ZIC5: variants seen among roughly 807,000 people sequenced by gnomAD.
ZIC5 encodes zinc finger protein ZIC 5.
Under a neutral mutation model 28.5 loss-of-function variants are expected in ZIC5, and 20 were observed. The observed-to-expected ratio is 0.70, with a 90% confidence interval of 0.49 to 1.02. The LOEUF (loss-of-function observed/expected upper bound fraction) is 1.02, where lower values mean the gene tolerates loss of function less well. Ranked by LOEUF, ZIC5 falls within the 50% of genes least tolerant of loss-of-function variation. ZIC5 has a pLI of 0.00. For missense variants in ZIC5, 951 were observed against 899.7 expected, an observed-to-expected ratio of 1.06 and a Z score of -0.73; for synonymous variants, 488 against 410.4, an observed-to-expected ratio of 1.19 and a Z score of -2.29.
At position 99,971,576 on chromosome 13, in the gene ZIC5, G is replaced by T. The variant is rs1421601416; in HGVS notation, c.28C>A (p.Pro10Thr). The T allele has an allele frequency of 5.8e-6, 9 of 1,553,712 alleles. No homozygotes were observed. Among genetic ancestry groups the T allele is most frequent in the African/African-American group, 5.5e-5 (4 of 73,222 alleles). Residue 10 changes from proline to threonine, a missense_variant, in exon 1 of 2, where the codon CCG becomes ACG. Coordinates refer to ENST00000267294, the MANE Select transcript of ZIC5 (RefSeq NM_033132.5). Reference sequence around the variant, plus strand: ...AAATCCGCTAATCTCAGCGCTGGCGGGTTCCTCTTGCTCAAAGGGGGCTCC... The same window carrying T: ...AAATCCGCTAATCTCAGCGCTGGCGTGTTCCTCTTGCTCAAAGGGGGCTCC... MEPPLSKRN[P>T]PALRLADLAT...
In ZIC5 at chr13:99,964,837, G is replaced by T. The variant is rs1205266457; in HGVS notation, c.*540C>A. 6.6e-6 allele frequency: 1 copy of T among 152,108 alleles called. No individual in the cohort carries two copies. Among genetic ancestry groups the T allele is most frequent in the Admixed American group, 6.6e-5 (1 of 15,228 alleles). 9.4% of individuals were successfully genotyped at this position (152,108 alleles called of 1,614,324 possible). ...CTGTTGGCAATGCAGCAGGTGTGTG[G>T]TTTACAATCAAGAGGCCTTGGCAGA... On this transcript the variant is annotated 3_prime_UTR_variant, in exon 2 of 2. Coordinates refer to ENST00000267294, the MANE Select transcript of ZIC5 (RefSeq NM_033132.5).
At position 99,970,561 on chromosome 13, in the gene ZIC5, T is replaced by G. The variant is rs566928909; in HGVS notation, c.1043A>C (p.Gln348Pro). Residue 348 changes from glutamine (Q) to proline (P), a missense_variant, in exon 1 of 2, where the codon CAG becomes CCG. Physicochemically the swap from Gln to Pro is moderately conservative, Grantham distance 76. Transcript: ENST00000267294. ...CGCCCCTGGGAGGTGGGGGTGGTGC[T>G]GGTGCGGGTGCTGCGCGGGCGCCGG... The part of the protein sequence containing the change: ...PPPAPAQHPH[Q>P]HHPHLPGAAG... The G allele has an allele frequency of 6.5e-5, 68 of 1,043,918 alleles. No homozygotes were observed. In the South Asian group the frequency reaches 2.3e-3, roughly 35 times the overall value. 64.7% of individuals were successfully genotyped at this position (1,043,918 alleles called of 1,614,324 possible).
At chr13:99,971,850 G>T, upstream of ZIC5, 1 of 785,792 alleles carries the variant, frequency 1.3e-6, no homozygotes, top group Non-Finnish European at 2.0e-6. Context: ...GTGATTGGCA[G>T]TAGCCTCGGC....
rs2053090399 is a variant in ZIC5 at position 99,965,260 on chromosome 13, T to G, written c.*117A>C. 1.1e-6 allele frequency: 1 copy of G among 888,404 alleles called. No individual in the cohort carries two copies. The highest frequency in any genetic ancestry group is 1.7e-5 in the African/African-American group (1 of 58,712). 55.0% of individuals were successfully genotyped at this position (888,404 alleles called of 1,614,324 possible). A position where few individuals can be genotyped will look rare whatever the true frequency, so the allele number is the denominator to read the frequency against. On this transcript the variant is annotated 3_prime_UTR_variant, in exon 2 of 2. Transcript: ENST00000267294. ...TTCATACTGAATAAATAGGGCTAATTAGACCCGGTGGCAAGTCTGAGTCAC... is the reference window on the plus strand; with the variant it reads ...TTCATACTGAATAAATAGGGCTAATGAGACCCGGTGGCAAGTCTGAGTCAC...
In ZIC5 at chr13:99,965,614, G is replaced by C; in HGVS notation, c.1683C>G (p.Pro561=). 6.2e-7 allele frequency: 1 copy of C among 1,614,126 alleles called. No individual in the cohort carries two copies. The highest frequency in any genetic ancestry group is 8.5e-7 in the Non-Finnish European group (1 of 1,180,024). ...GAGTCCCCACTGATGAGTAACCAAG[G>C]GGTCCTGGAGAAGGTGGCGGGGACT... ...HCKSPPPSPG[P]LGYSSVGTPV... The change falls in exon 2 of 2, where the codon CCC becomes CCG. Residue 561 remains proline, a synonymous_variant. Transcript: ENST00000267294.
intron 1 of ZIC5, among the ~76,000 whole-genome samples, chr13:99,968,628 T>G (rs2053120320): frequency 6.6e-6 from 1 of 152,060 alleles, no homozygotes; most frequent in Admixed American, 6.5e-5. Context: ...GCCCCGCGCT[T>G]GGGAGTTCCC....
chr13:99,965,886 A>C lies in ZIC5; in HGVS notation c.1478-67T>G. The C allele has an allele frequency of 7.3e-6, 11 of 1,503,274 alleles. No homozygotes were observed. In the South Asian group the frequency reaches 1.4e-4, roughly 19 times the overall value. The allele number at this position is 1,503,274 out of a possible 1,614,324, so 93.1% of individuals were successfully genotyped here. On this transcript the variant is annotated intron_variant, in intron 1 of 1. Transcript: ENST00000267294. ...ACCCCTCTCTTGACAGAAATCTTGA[A>C]GCAGAACCAAGGTTGTGTTTTTCCT...
chr13:99,971,485 G>T lies in ZIC5; in HGVS notation c.119C>A (p.Ala40Asp). ...TGFPALAGPP[A>D]HSQLRAAVAH... ...GACGGCGGCCCGGAGTTGGGAGTGG[G>T]CGGGCGGGCCGGCCAGCGCCGGGAA... The change falls in exon 1 of 2, where the codon GCC becomes GAC. Residue 40 changes from alanine (A) to aspartate (D), a missense_variant. Ala to Asp is a moderately radical substitution (Grantham distance 126). Around this residue, in one of 3 missense-constraint regions of ZIC5, gnomAD observed 784 missense variants for 660.1 expected, o/e 1.19. Coordinates refer to ENST00000267294, the MANE Select transcript of ZIC5 (RefSeq NM_033132.5). The T allele has an allele frequency of 1.3e-6, 2 of 1,550,376 alleles. No individual in the cohort carries two copies. The highest frequency in any genetic ancestry group is 8.7e-7 in the Non-Finnish European group (1 of 1,146,882).
At position 99,971,105 on chromosome 13, in the gene ZIC5, T is replaced by TGCC; in HGVS notation, c.496_498dup (p.Gly166dup). 3 of 1,424,450 alleles carry TGCC rather than the reference T, an allele frequency of 2.1e-6. No individual in the cohort carries two copies. The highest frequency in any genetic ancestry group is 2.7e-6 in the Non-Finnish European group (3 of 1,098,480). The allele number at this position is 1,424,450 out of a possible 1,614,324, so 88.2% of individuals were successfully genotyped here. A position where few individuals can be genotyped will look rare whatever the true frequency, so the allele number is the denominator to read the frequency against. On this transcript the variant is annotated inframe_insertion, in exon 1 of 2. Coordinates refer to ENST00000267294, the MANE Select transcript of ZIC5 (RefSeq NM_033132.5). Reference sequence around the variant, plus strand: ...AGGACGAAGTCCCTGCTGTGGCCTTTGCCGCTGCTGCCGCCGCCGCCACTG... The same window carrying TGCC: ...AGGACGAAGTCCCTGCTGTGGCCTTTGCCGCCGCTGCTGCCGCCGCCGCCACTG...
chr13:99,966,730 C>G (rs1438697806), intron 1 of ZIC5, among the ~76,000 whole-genome samples: 1 of 152,110 alleles, frequency 6.6e-6, no homozygotes, highest in Non-Finnish European at 1.5e-5. Flanking sequence ...TTGGCTGTCA[C>G]CTCCTTAAGC....
chr13:99,971,780 T>G, upstream of ZIC5: 2 of 1,434,924 alleles, frequency 1.4e-6, no homozygotes, highest in Non-Finnish European at 9.5e-7. Context: ...ACACCACATT[T>G]GAGCTGCACA....
In ZIC5 at chr13:99,968,864, G is replaced by A. The variant is rs541954220; in HGVS notation, c.1477+1263C>T. ...CCACCGGCCATCAGGCGGCCCGCAG[G>A]AGCCAAGCCAAGGCTCCCGCCTCGG... On this transcript the variant is annotated intron_variant, in intron 1 of 1. Coordinates refer to ENST00000267294, the MANE Select transcript of ZIC5 (RefSeq NM_033132.5). Among the ~76,000 whole-genome samples, 97 of 152,230 alleles carry A rather than the reference G, an allele frequency of 6.4e-4. 2 individuals are homozygous for A. In the South Asian group the frequency reaches 0.02, roughly 31 times the overall value.
chr13:99,967,867 C>T (rs1174768128), intron 1 of ZIC5, among the ~76,000 whole-genome samples: 1 of 152,228 alleles, frequency 6.6e-6, no homozygotes, highest in Non-Finnish European at 1.5e-5. Context: ...TTCTACCTAA[C>T]TAGAAAGGCT....
chr13:99,966,392 G>A (rs1305048828), intron 1 of ZIC5, among the ~76,000 whole-genome samples: 2 of 152,196 alleles, frequency 1.3e-5, no homozygotes, highest in African/African-American at 2.4e-5. Context: ...AGGAGAGAAC[G>A]TGGAGATGGG....
chr13:99,965,472 T>TG lies in ZIC5; in HGVS notation c.1824dup (p.Ser609GlnfsTer14). Reference sequence around the variant, plus strand: ...TTGCTGGAAGGGGTGTGGAGGTGGCTGGGGGCCCCACTGGCCTGGCAAACG... The same window carrying TG: ...TTGCTGGAAGGGGTGTGGAGGTGGCTGGGGGGCCCCACTGGCCTGGCAAACG... On this transcript the variant is annotated frameshift_variant, in exon 2 of 2. Coordinates refer to ENST00000267294, the MANE Select transcript of ZIC5 (RefSeq NM_033132.5). LOFTEE classifies it high-confidence loss of function. The TG allele has an allele frequency of 6.2e-7, 1 of 1,614,096 alleles. No homozygotes were observed. The highest frequency in any genetic ancestry group is 1.1e-5 in the South Asian group (1 of 91,064).
intron 1 of ZIC5, among the ~76,000 whole-genome samples, chr13:99,967,639 T>C (rs561520311): frequency 5.9e-5 from 9 of 151,996 alleles, no homozygotes; most frequent in Non-Finnish European, 1.2e-4. Context: ...AACCTACATA[T>C]CCCGGGTTGT....
At chr13:99,969,192 A>C (rs941132530) in intron 1 of ZIC5, among the ~76,000 whole-genome samples, 1 of 152,116 alleles carries the variant, frequency 6.6e-6, no homozygotes, top group Non-Finnish European at 1.5e-5. Flanking sequence ...TGGGATCCCC[A>C]GAGGCAGGGC....
chr13:99,970,846 A>G lies in ZIC5; in HGVS notation c.758T>C (p.Leu253Pro). The G allele has an allele frequency of 8.0e-7, 1 of 1,246,878 alleles. No homozygotes were observed. Among genetic ancestry groups the G allele is most frequent in the Non-Finnish European group, 1.0e-6 (1 of 1,002,988 alleles). The allele number at this position is 1,246,878 out of a possible 1,614,324, so 77.2% of individuals were successfully genotyped here. A position where few individuals can be genotyped will look rare whatever the true frequency, so the allele number is the denominator to read the frequency against. Residue 253 changes from leucine to proline, a missense_variant, in exon 1 of 2, where the codon CTC (leucine) becomes CCC (proline). Physicochemically the swap from Leu to Pro is moderately conservative, Grantham distance 98. Transcript: ENST00000267294. ...PGAPGGHPHP[L>P]NGQMRLGLAA... ...CAGCCCCAGGCGCATCTGGCCGTTGAGCGGGTGCGGGTGGCCGCCTGGGGC... is the reference window on the plus strand; with the variant it reads ...CAGCCCCAGGCGCATCTGGCCGTTGGGCGGGTGCGGGTGGCCGCCTGGGGC...
Position 99,970,671 on chromosome 13 carries a change from G to C in ZIC5, c.933C>G (p.Asn311Lys), listed in dbSNP as rs1199521199. 2 of 1,186,624 alleles carry C rather than the reference G, an allele frequency of 1.7e-6. No individual in the cohort carries two copies. Among genetic ancestry groups the C allele is most frequent in the Non-Finnish European group, 2.1e-6 (2 of 949,300 alleles). 73.5% of individuals were successfully genotyped at this position (1,186,624 alleles called of 1,614,324 possible). The change falls in exon 1 of 2, where the codon AAC becomes AAG. Residue 311 changes from asparagine to lysine, a missense_variant. Transcript: ENST00000267294. The part of the protein sequence containing the change: ...HGYGAVNLNL[N>K]LAAAAAAAAA... ...CTGCTGCGGCCGCCGCAGCCGCCAG[G>C]TTCAGGTTTAAGTTCACGGCTCCGT...
Sources: allele counts gnomAD v4.1 joint callset (sites outside exome capture counted in the v4.1 genomes callset), GRCh38; gene constraint gnomAD v4.1.1; regional missense constraint gnomAD v4.1.1; transcripts MANE v1.5; gene names NCBI Gene and HGNC (gene_info 2026-07-23, HGNC 2026-07-21).